LARP1B: variants seen among roughly 807,000 people sequenced by gnomAD.
LARP1B encodes La ribonucleoprotein 1B, also known as la-related protein 1B.
Under a neutral mutation model 114.2 loss-of-function variants are expected in LARP1B, and 76 were observed. The observed-to-expected ratio is 0.67, with a 90% CI of 0.55 to 0.81. LARP1B has a LOEUF of 0.81. LARP1B is among the 30% of genes least tolerant of loss of function. The probability of loss-of-function intolerance (pLI) is 0.00; values close to 1 mark genes in which losing one functional copy is unlikely to be tolerated. For synonymous variants in LARP1B, 345 were observed against 348.0 expected (o/e 0.99, Z 0.10); for missense variants, 1,014 against 1,075.8 (o/e 0.94, Z 0.80).
intron 11 of LARP1B, chr4:128,122,394 C>CTGTAATTACAGTATTGAATAT: frequency 6.8e-7 from 1 of 1,472,348 alleles, no homozygotes; most frequent in Non-Finnish European, 9.0e-7. Context: ...GTGATGAATA[C>CTGTAATTACAGTATTGAATAT]TGTAATTACA....
At position 128,077,920 on chromosome 4, in the gene LARP1B, G is replaced by A. The variant is rs150798326; in HGVS notation, c.175G>A (p.Val59Ile). The A allele has an allele frequency of 4.7e-5, 75 of 1,612,640 alleles. No individual in the cohort carries two copies. In the East Asian group the frequency reaches 1.5e-3, roughly 33 times the overall value. ...AAAATTAAATGGTCCTGGTGAAAAC[G>A]TCAGTGAGGATGAGGCTCAGTCAAG... ...ETKLNGPGEN[V>I]SEDEAQSSNQ... The change falls in exon 4 of 20, where the codon GTC becomes ATC. Residue 59 changes from valine to isoleucine, a missense_variant. By Grantham distance (29) the Val-to-Ile change is conservative. Coordinates refer to ENST00000326639, the MANE Select transcript of LARP1B (RefSeq NM_018078.4).
intron 1 of LARP1B, among the ~76,000 whole-genome samples, chr4:128,068,462 A>G (rs1375205424): frequency 6.6e-6 from 1 of 152,172 alleles, no homozygotes; most frequent in Non-Finnish European, 1.5e-5. Flanking sequence ...CTAGGACTAC[A>G]GGCATGTGCC....
In LARP1B at chr4:128,127,193, TGAAA is replaced by T. The variant is rs143520172; in HGVS notation, c.1524+5011_1524+5014del. Among the ~76,000 whole-genome samples, 891 of 152,218 alleles carry T rather than the reference TGAAA, an allele frequency of 5.9e-3. 9 individuals are homozygous for T. Among genetic ancestry groups the T allele is most frequent in the African/African-American group, 0.02 (837 of 41,508 alleles). ...AGAAATGGCCACCAGCAGAGTCTCA[TGAAA>T]GAAAGTCCCAAAGGGTAGAATAAAA... On this transcript the variant is annotated intron_variant, in intron 11 of 19. Transcript: ENST00000326639.
intron 1 of LARP1B, among the ~76,000 whole-genome samples, chr4:128,064,107 A>G (rs886540666): frequency 6.6e-5 from 10 of 151,986 alleles, no homozygotes; most frequent in African/African-American, 1.2e-4. Flanking sequence ...CCCCGTCTCT[A>G]CTAAAAATAC....
chr4:128,096,120 C>T (rs904426791), intron 7 of LARP1B, among the ~76,000 whole-genome samples: 2 of 151,696 alleles, frequency 1.3e-5, no homozygotes, highest in East Asian at 1.9e-4. Flanking sequence ...CAGCCTCCCA[C>T]GTAGCTGGCA....
chr4:128,169,026 G>A (rs1249916628), intron 12 of LARP1B, among the ~76,000 whole-genome samples: 1 of 151,858 alleles, frequency 6.6e-6, no homozygotes, highest in Non-Finnish European at 1.5e-5. Flanking sequence ...GTGAGCTTTT[G>A]TACCTATTGA....
intron 1 of LARP1B, among the ~76,000 whole-genome samples, chr4:128,073,572 G>GTGTTTTTTT: frequency 2.5e-5 from 1 of 40,004 alleles, no homozygotes; most frequent in East Asian, 9.3e-4. Flanking sequence ...TATTGTTGTC[G>GTGTTTTTTT]TTTTTTTTTT....
chr4:128,123,456 T>C (rs1561315995), intron 11 of LARP1B: 1 of 857,610 alleles, frequency 1.2e-6, no homozygotes, highest in Non-Finnish European at 1.4e-6. Context: ...AAAATTATCC[T>C]TCCCCCATTC....
At chr4:128,152,489 A>G (rs1733301893) in intron 11 of LARP1B, among the ~76,000 whole-genome samples, 2 of 152,018 alleles carry the variant, frequency 1.3e-5, no homozygotes, top group Admixed American at 1.3e-4. Context: ...GGTGTGAGCC[A>G]CTGCGCCCGG....
In LARP1B at chr4:128,185,465, A is replaced by G. The variant is rs1172068222; in HGVS notation, c.2003+5953A>G. 8.0e-5 allele frequency among the ~76,000 whole-genome samples: 12 copies of G among 150,890 alleles called. No homozygotes were observed. The East Asian group carries it at 2.3e-3, about 29-fold the overall frequency. On this transcript the variant is annotated intron_variant, in intron 15 of 19. Transcript: ENST00000326639. Reference sequence around the variant, plus strand: ...GCACTTTAAAATATACCTGTTGTCCAGTTGATGTCTTCTTTGGAGAAATGT... The same window carrying G: ...GCACTTTAAAATATACCTGTTGTCCGGTTGATGTCTTCTTTGGAGAAATGT...
At chr4:128,091,536 AGACGGGATAGC>A (rs1775907503) in intron 7 of LARP1B, 24 bp downstream of exon 7, 3 of 1,553,616 alleles carry the variant, frequency 1.9e-6, no homozygotes, top group African/African-American at 2.7e-5. Flanking sequence ...TGATGTAAGC[AGACGGGATAGC>A]AAAATCTGTT....
intron 8 of LARP1B, among the ~76,000 whole-genome samples, chr4:128,101,251 A>G (rs1034253515): frequency 1.3e-5 from 2 of 151,948 alleles, no homozygotes; most frequent in Non-Finnish European, 2.9e-5. Context: ...AGGCCGATGG[A>G]TCACTTGAGG....
At chr4:128,175,690 A>C (rs895122733) in intron 12 of LARP1B, among the ~76,000 whole-genome samples, 18 of 152,298 alleles carry the variant, frequency 1.2e-4, no homozygotes, top group African/African-American at 3.1e-4. Context: ...AAGTATCATT[A>C]TGAACTCATG....
At chr4:128,170,872 CT>C (rs70966085) in intron 12 of LARP1B, among the ~76,000 whole-genome samples, 32,739 of 94,958 alleles carry the variant, frequency 0.34, 4,186 homozygotes, top group East Asian at 0.43. Context: ...TTTTTCTTTT[CT>C]TTTTTTTTTT....
At chr4:128,069,038 A>G in intron 1 of LARP1B, 1 of 925,956 alleles carries the variant, frequency 1.1e-6, no homozygotes, top group Non-Finnish European at 1.6e-6. Context: ...GGAGCTGGAG[A>G]GTATTGCGCC....
chr4:128,109,524 A>G (rs192196794), intron 9 of LARP1B, among the ~76,000 whole-genome samples: 136 of 152,256 alleles, frequency 8.9e-4, no homozygotes, highest in Non-Finnish European at 1.5e-3. Flanking sequence ...GAATGGTAAG[A>G]TTACTTCTGA....
Position 128,162,281 on chromosome 4 carries a change from C to G in LARP1B, c.1612C>G (p.Gln538Glu), listed in dbSNP as rs1285956936. The change falls in exon 12 of 20, where the codon CAA (glutamine) becomes GAA (glutamate). Residue 538 changes from glutamine to glutamate, a missense_variant. Physicochemically the swap from Gln to Glu is conservative, Grantham distance 29. Coordinates refer to ENST00000326639, the MANE Select transcript of LARP1B (RefSeq NM_018078.4). ...LTPELPFEPN[Q>E]EVPVAPSQSR... ...ACCTGAACTTCCTTTTGAGCCAAAC[C>G]AAGAAGTTCCTGTAGCACCTTCACA... 11 of 1,613,014 alleles carry G rather than the reference C, an allele frequency of 6.8e-6. No individual in the cohort carries two copies. Among genetic ancestry groups the G allele is most frequent in the Non-Finnish European group, 8.5e-6 (10 of 1,179,332 alleles).
rs1242381893 is a variant in LARP1B at position 128,077,825 on chromosome 4, A to G, written c.80A>G (p.Gln27Arg). 1.2e-6 allele frequency: 2 copies of G among 1,606,180 alleles called. No individual in the cohort carries two copies. The highest frequency in any genetic ancestry group is 1.7e-6 in the Non-Finnish European group (2 of 1,178,026). The change falls in exon 4 of 20, where the codon CAA becomes CGA. Residue 27 changes from glutamine to arginine, a missense_variant. Coordinates refer to ENST00000326639, the MANE Select transcript of LARP1B (RefSeq NM_018078.4). ...SVLSQGNKKP[Q>R]NRKEKEEKVE... ...CTCAGCCAAGGAAATAAAAAGCCAC[A>G]AAATAGAAAAGAAAAAGAAGAGAAG...
At chr4:128,128,355 AT>A (rs1482944594) in intron 11 of LARP1B, among the ~76,000 whole-genome samples, 1 of 152,194 alleles carries the variant, frequency 6.6e-6, no homozygotes, top group African/African-American at 2.4e-5. Context: ...TCCTCAAATT[AT>A]GTTGGGGTTA....
Sources: gnomAD v4.1 joint callset for allele counts (sites outside exome capture counted in the v4.1 genomes callset) on GRCh38, gnomAD v4.1.1 for gene constraint, MANE v1.5 for transcripts, NCBI Gene and HGNC (gene_info 2026-07-23, HGNC 2026-07-21) for gene names.